Variants in NKAIN2 observed in about 807,000 individuals in gnomAD.
The protein encoded by NKAIN2 is sodium/potassium transporting ATPase interacting 2.
Under a neutral mutation model 32.6 loss-of-function variants are expected in NKAIN2, and 14 were observed. The ratio of observed to expected loss-of-function variants is 0.43; its 90% CI spans 0.28 to 0.67. The LOEUF is 0.67. NKAIN2 is among the 30% of genes least tolerant of loss of function. NKAIN2 has a pLI of 0.17. For synonymous variants in NKAIN2, 80 were observed against 87.2 expected, an observed-to-expected ratio of 0.92 and a Z score of 0.46; for missense variants, 198 against 258.3, an observed-to-expected ratio of 0.77 and a Z score of 1.60.
intron 4 of NKAIN2, among the ~76,000 whole-genome samples, chr6:124,667,031 C>A (rs1772831967): frequency 6.6e-6 from 1 of 152,230 alleles, no homozygotes; most frequent in Non-Finnish European, 1.5e-5. Flanking sequence ...TTAACTAAAT[C>A]CTACTAAATT....
At chr6:124,662,422 G>A (rs1008569414) in intron 4 of NKAIN2, among the ~76,000 whole-genome samples, 1 of 152,070 alleles carries the variant, frequency 6.6e-6, no homozygotes, top group Non-Finnish European at 1.5e-5. Flanking sequence ...CTAATATCTG[G>A]TACCTGGTTC....
chr6:124,572,219 A>T (rs1478828986), intron 3 of NKAIN2, among the ~76,000 whole-genome samples: 1 of 152,162 alleles, frequency 6.6e-6, no homozygotes, highest in Non-Finnish European at 1.5e-5. Flanking sequence ...GCTCACTCAC[A>T]TTGGGGAGGG....
intron 4 of NKAIN2, among the ~76,000 whole-genome samples, chr6:124,729,496 C>A (rs1255508435): frequency 1.3e-5 from 2 of 151,072 alleles, no homozygotes; most frequent in Admixed American, 6.6e-5. Flanking sequence ...AAGCCTTTGA[C>A]AAAATTCAAC....
intron 3 of NKAIN2, among the ~76,000 whole-genome samples, chr6:124,431,324 C>T (rs556952229): frequency 2.0e-5 from 3 of 152,264 alleles, no homozygotes; most frequent in South Asian, 2.1e-4. Flanking sequence ...TTTCCACTCT[C>T]TTCAGAAAAA....
chr6:124,615,073 A>C (rs1014978051), intron 3 of NKAIN2, among the ~76,000 whole-genome samples: 10 of 151,858 alleles, frequency 6.6e-5, no homozygotes, highest in African/African-American at 2.4e-4. Flanking sequence ...TCTGCCTTCT[A>C]CTCCTTCGCA....
Position 124,316,345 on chromosome 6 carries a change from C to T in NKAIN2, c.192+33203C>T, listed in dbSNP as rs115293739. Among the ~76,000 whole-genome samples, 5 of 152,010 alleles carry T rather than the reference C, an allele frequency of 3.3e-5. No homozygotes were observed. In the South Asian group the frequency reaches 1.0e-3, roughly 31 times the overall value. Reference sequence around the variant, plus strand: ...TCATTAAATTTCTTAGCTCTCATAACTACATGTATGTCTGCATGACACAGA... The same window carrying T: ...TCATTAAATTTCTTAGCTCTCATAATTACATGTATGTCTGCATGACACAGA... On this transcript the variant is annotated intron_variant, in intron 2 of 6. Coordinates refer to ENST00000368417, the MANE Select transcript of NKAIN2 (RefSeq NM_001040214.3).
chr6:124,588,257 A>C (rs1750151961), intron 3 of NKAIN2, among the ~76,000 whole-genome samples: 1 of 152,146 alleles, frequency 6.6e-6, no homozygotes, highest in Admixed American at 6.5e-5. Flanking sequence ...ACATCACTTT[A>C]AGTATGAATT....
intron 1 of NKAIN2, among the ~76,000 whole-genome samples, chr6:124,114,856 A>G (rs1409257403): frequency 6.6e-6 from 1 of 152,110 alleles, no homozygotes; most frequent in Admixed American, 6.6e-5. Context: ...AGCTATAATT[A>G]TATTCAGTTC....
intron 1 of NKAIN2, among the ~76,000 whole-genome samples, chr6:123,924,029 TA>T (rs1775894433): frequency 1.3e-5 from 2 of 152,012 alleles, no homozygotes; most frequent in Admixed American, 6.5e-5. Flanking sequence ...TAGGAATCTT[TA>T]AAAATATGAA....
At chr6:124,252,934 C>G (rs115938631) in intron 1 of NKAIN2, among the ~76,000 whole-genome samples, 1 of 152,100 alleles carries the variant, frequency 6.6e-6, no homozygotes, top group South Asian at 2.1e-4. Flanking sequence ...GACAACTATA[C>G]GTTAGTTAAA....
At chr6:124,814,291 G>T (rs1429514259) in intron 5 of NKAIN2, among the ~76,000 whole-genome samples, 1 of 152,156 alleles carries the variant, frequency 6.6e-6, no homozygotes, top group Non-Finnish European at 1.5e-5. Context: ...CATGGAAATT[G>T]ACTGTACACT....
chr6:124,031,529 T>C (rs1781405373), intron 1 of NKAIN2, among the ~76,000 whole-genome samples: 1 of 152,196 alleles, frequency 6.6e-6, no homozygotes, highest in Non-Finnish European at 1.5e-5. Flanking sequence ...TCTTTCCTGC[T>C]TTCTCTTGTG....
intron 1 of NKAIN2, among the ~76,000 whole-genome samples, chr6:124,084,166 G>A (rs942012577): frequency 2.0e-5 from 3 of 151,882 alleles, no homozygotes; most frequent in Non-Finnish European, 4.4e-5. Flanking sequence ...AGTGGATTAT[G>A]GAAATGAATT....
At chr6:123,993,799 G>T (rs1310333651) in intron 1 of NKAIN2, among the ~76,000 whole-genome samples, 1 of 152,048 alleles carries the variant, frequency 6.6e-6, no homozygotes, top group African/African-American at 2.4e-5. Context: ...TGTCCATTTT[G>T]TATTAAGAAT....
chr6:124,729,835 T>G (rs1776565264), intron 4 of NKAIN2, among the ~76,000 whole-genome samples: 1 of 151,876 alleles, frequency 6.6e-6, no homozygotes, highest in Non-Finnish European at 1.5e-5. Flanking sequence ...AAAATCTCCT[T>G]AAGCTGATAA....
At chr6:124,397,031 T>C (rs1412836227) in intron 3 of NKAIN2, among the ~76,000 whole-genome samples, 1 of 152,148 alleles carries the variant, frequency 6.6e-6, no homozygotes, top group Non-Finnish European at 1.5e-5. Context: ...GTTAACTGTT[T>C]TATTAACAGT....
intron 1 of NKAIN2, among the ~76,000 whole-genome samples, chr6:124,170,483 G>A (rs1328529207): frequency 6.6e-6 from 1 of 152,144 alleles, no homozygotes; most frequent in Non-Finnish European, 1.5e-5. Context: ...GCAAAAGAAT[G>A]TCAAGACAAA....
intron 3 of NKAIN2, among the ~76,000 whole-genome samples, chr6:124,603,381 C>G (rs1184003721): frequency 6.6e-6 from 1 of 151,812 alleles, no homozygotes; most frequent in African/African-American, 2.4e-5. Flanking sequence ...TATAGTATTC[C>G]TTAAATTCCT....
At chr6:124,750,876 A>G (rs9398764) in intron 4 of NKAIN2, among the ~76,000 whole-genome samples, 52,140 of 151,674 alleles carry the variant, frequency 0.34, 9,270 homozygotes, top group Admixed American at 0.38. Flanking sequence ...CCAATCTTAT[A>G]TGAGCACTCA....
Sources: allele counts gnomAD v4.1 joint callset (sites outside exome capture counted in the v4.1 genomes callset), GRCh38; gene constraint gnomAD v4.1.1; transcripts MANE v1.5; gene names NCBI Gene and HGNC (gene_info 2026-07-23, HGNC 2026-07-21).